Variants in MEGF11 observed in about 807,000 individuals in gnomAD.
The protein encoded by MEGF11 is multiple epidermal growth factor-like domains protein 11.
In MEGF11, 126 loss-of-function variants were observed where a neutral mutation model predicts 146.6. That is an observed-to-expected ratio of 0.86 (90% CI 0.74 to 1.00). The LOEUF is 1.00. Among genes scored for constraint, MEGF11 ranks in the 50% least tolerant of loss-of-function variants. The pLI, the probability that MEGF11 is intolerant of heterozygous loss-of-function variation, is 0.00. For synonymous variants in MEGF11, 532 were observed against 583.4 expected (o/e 0.91, Z 1.27); for missense variants, 1,509 against 1,521.2 (o/e 0.99, Z 0.13).
At chr15:66,106,083 C>T (rs1423166943) in intron 4 of MEGF11, among the ~76,000 whole-genome samples, 1 of 152,202 alleles carries the variant, frequency 6.6e-6, no homozygotes, top group Non-Finnish European at 1.5e-5. Context: ...TCATTTGGCT[C>T]CCCTTCCCCA....
intron 5 of MEGF11, among the ~76,000 whole-genome samples, chr15:66,055,776 T>C (rs145466949): frequency 6.6e-6 from 1 of 152,310 alleles, no homozygotes; most frequent in Non-Finnish European, 1.5e-5. Flanking sequence ...GCGGCCGCAC[T>C]GCTTAGGTTT....
intron 1 of MEGF11, among the ~76,000 whole-genome samples, chr15:66,171,531 G>A (rs1183035485): frequency 6.6e-6 from 1 of 152,270 alleles, no homozygotes; most frequent in East Asian, 1.9e-4. Flanking sequence ...AGGGAATGGA[G>A]AGGTGGGAGG....
intron 5 of MEGF11, among the ~76,000 whole-genome samples, chr15:65,990,417 G>A (rs565354386): frequency 5.9e-5 from 9 of 151,922 alleles, no homozygotes; most frequent in Admixed American, 2.6e-4. Context: ...TTGGTGTGGC[G>A]GCATGTGCCT....
intron 5 of MEGF11, among the ~76,000 whole-genome samples, chr15:66,030,320 T>A (rs1047966906): frequency 6.6e-6 from 1 of 152,218 alleles, no homozygotes; most frequent in African/African-American, 2.4e-5. Context: ...CATGGACCCA[T>A]GCTATGTCAA....
intron 11 of MEGF11, among the ~76,000 whole-genome samples, 173 bp downstream of exon 11, chr15:65,930,650 T>C (rs1036679282): frequency 1.3e-5 from 2 of 152,208 alleles, no homozygotes; most frequent in Non-Finnish European, 2.9e-5. Flanking sequence ...ATTCCTGCTA[T>C]TGAAATTCCT....
At chr15:66,054,543 A>G (rs928642471) in intron 5 of MEGF11, among the ~76,000 whole-genome samples, 6 of 152,088 alleles carry the variant, frequency 3.9e-5, no homozygotes, top group African/African-American at 1.4e-4. Context: ...TTTAAAAATC[A>G]CCTCCAGGGG....
At chr15:66,121,514 T>TA (rs1282939455) in intron 3 of MEGF11, among the ~76,000 whole-genome samples, 2 of 152,218 alleles carry the variant, frequency 1.3e-5, no homozygotes, top group Non-Finnish European at 2.9e-5. Context: ...AGCAGGCTGA[T>TA]ACTGGAGGCA....
chr15:66,108,755 A>G (rs79430078), intron 4 of MEGF11, among the ~76,000 whole-genome samples: 15 of 152,190 alleles, frequency 9.9e-5, no homozygotes, highest in African/African-American at 3.6e-4. Context: ...TGCAGCATCA[A>G]GCAGCTAACG....
At chr15:66,090,985 C>A (rs973245670) in intron 5 of MEGF11, among the ~76,000 whole-genome samples, 4 of 152,134 alleles carry the variant, frequency 2.6e-5, no homozygotes, top group Non-Finnish European at 4.4e-5. Flanking sequence ...GGAGAGTTAA[C>A]CTTTTTTGTC....
chr15:66,093,299 C>CA (rs2086398147), intron 5 of MEGF11, among the ~76,000 whole-genome samples: 1 of 152,038 alleles, frequency 6.6e-6, no homozygotes, highest in Non-Finnish European at 1.5e-5. Context: ...TTTGGGAAAA[C>CA]AAACAAAAAA....
intron 10 of MEGF11, among the ~76,000 whole-genome samples, chr15:65,947,145 C>T (rs998343162): frequency 1.3e-5 from 2 of 151,946 alleles, no homozygotes; most frequent in Non-Finnish European, 2.9e-5. Context: ...TTGCAATATC[C>T]TTCATTTTCC....
At chr15:66,196,436 C>T (rs1358772677) in intron 1 of MEGF11, among the ~76,000 whole-genome samples, 1 of 152,066 alleles carries the variant, frequency 6.6e-6, no homozygotes, top group African/African-American at 2.4e-5. Flanking sequence ...TATGCCACTG[C>T]ACTCTAGCCT....
At chr15:66,038,376 T>A (rs1487911432) in intron 5 of MEGF11, among the ~76,000 whole-genome samples, 1 of 152,116 alleles carries the variant, frequency 6.6e-6, no homozygotes, top group Non-Finnish European at 1.5e-5. Flanking sequence ...TGAGCCTCCA[T>A]TTTCTCCTTT....
intron 4 of MEGF11, among the ~76,000 whole-genome samples, chr15:66,106,722 C>T (rs563588880): frequency 6.6e-6 from 1 of 152,276 alleles, no homozygotes; most frequent in South Asian, 2.1e-4. Flanking sequence ...TCCACACATG[C>T]AGACTCACAA....
intron 10 of MEGF11, among the ~76,000 whole-genome samples, chr15:65,939,921 A>G (rs1251787250): frequency 6.6e-6 from 1 of 152,226 alleles, no homozygotes; most frequent in Admixed American, 6.5e-5. Flanking sequence ...CTTGATTGCA[A>G]GTTCCATGAG....
chr15:66,109,446 T>C (rs2140844971), intron 4 of MEGF11, among the ~76,000 whole-genome samples: 1 of 152,264 alleles, frequency 6.6e-6, no homozygotes, highest in South Asian at 2.1e-4. Flanking sequence ...GAACAATAGC[T>C]AAGTTTTACT....
intron 10 of MEGF11, among the ~76,000 whole-genome samples, chr15:65,934,652 C>T (rs751829221): frequency 6.6e-6 from 1 of 152,162 alleles, no homozygotes; most frequent in Non-Finnish European, 1.5e-5. Context: ...GGACTTACAG[C>T]CCCACCCGCT....
intron 5 of MEGF11, among the ~76,000 whole-genome samples, chr15:66,032,974 G>A (rs909535207): frequency 6.6e-5 from 10 of 150,932 alleles, no homozygotes; most frequent in Admixed American, 1.3e-4. Context: ...CCAGCTACTC[G>A]GGAGGCTGAG....
At chr15:66,158,524 T>C (rs1037407742) in intron 1 of MEGF11, among the ~76,000 whole-genome samples, 1 of 152,198 alleles carries the variant, frequency 6.6e-6, no homozygotes, top group Admixed American at 6.5e-5. Flanking sequence ...GACAGCCCTG[T>C]GCACCCCTCC....
Sources: allele counts gnomAD v4.1 joint callset (sites outside exome capture counted in the v4.1 genomes callset), GRCh38; gene constraint gnomAD v4.1.1; transcripts MANE v1.5; gene names NCBI Gene and HGNC (gene_info 2026-07-23, HGNC 2026-07-21).